The following MECOM variants were observed in gnomAD, a reference collection of about 807,000 sequenced individuals.
MECOM encodes the protein MDS1 and EVI1 complex locus.
Under a neutral mutation model 116.3 loss-of-function variants are expected in MECOM, and 13 were observed. The observed-to-expected ratio is 0.11, with a 90% CI of 0.07 to 0.18. The LOEUF (loss-of-function observed/expected upper bound fraction) is 0.18. Among genes scored for constraint, MECOM ranks in the 10% least tolerant of loss-of-function variants. The pLI is 1.00. For synonymous variants in MECOM, 528 were observed against 535.2 expected (o/e 0.99, Z 0.19); for missense variants, 1,299 against 1,509.0 (o/e 0.86, Z 2.31).
intron 16 of MECOM, among the ~76,000 whole-genome samples, chr3:169,086,974 C>T (rs897969991): frequency 1.3e-5 from 2 of 152,160 alleles, no homozygotes; most frequent in East Asian, 1.9e-4. Flanking sequence ...AATAAATGAA[C>T]GAATGAATGA....
chr3:169,159,788 C>T (rs1287080062), intron 2 of MECOM, among the ~76,000 whole-genome samples: 1 of 152,158 alleles, frequency 6.6e-6, no homozygotes, highest in African/African-American at 2.4e-5. Flanking sequence ...GGATTCAAAT[C>T]ACAGCTTCGC....
In MECOM at chr3:169,090,161, T is replaced by A. The variant is rs1458763977; in HGVS notation, c.3240A>T (p.Glu1080Asp). The change falls in exon 15 of 17, where the codon GAA becomes GAT. Residue 1080 changes from glutamate to aspartate, a missense_variant. Glu to Asp is a conservative substitution (Grantham distance 45). This residue lies in a region of MECOM where 273 missense variants were observed against 289.3 expected (regional missense o/e 0.94). Coordinates refer to ENST00000651503, the MANE Select transcript of MECOM (RefSeq NM_004991.4). ...SQNSDLLDDE[E>D]VEDEVLLDEE... ...CATCTAACAACACCTCATCTTCAAC[T>A]TCTTCATCATCCAGCAAGTCTGAAT... 1.9e-6 allele frequency: 3 copies of A among 1,613,406 alleles called. No individual in the cohort carries two copies. In the Admixed American group the frequency reaches 5.0e-5, roughly 27 times the overall value.
intron 2 of MECOM, among the ~76,000 whole-genome samples, chr3:169,295,055 G>A (rs1006631): frequency 4.0e-5 from 6 of 151,784 alleles, no homozygotes; most frequent in Non-Finnish European, 7.4e-5. Context: ...TTAATGTTAC[G>A]TAAAATATGT....
In MECOM at chr3:169,116,683, T is replaced by C; in HGVS notation, c.1189A>G (p.Met397Val). 6.2e-7 allele frequency: 1 copy of C among 1,614,150 alleles called. No individual in the cohort carries two copies. The highest frequency in any genetic ancestry group is 8.5e-7 in the Non-Finnish European group (1 of 1,179,998). Residue 397 changes from methionine (M) to valine (V), a missense_variant, in exon 8 of 17, where the codon ATG becomes GTG. By Grantham distance (21) the Met-to-Val change is conservative. This residue lies in a region of MECOM where 42 missense variants were observed against 103.9 expected (regional missense o/e 0.40). Coordinates refer to ENST00000651503, the MANE Select transcript of MECOM (RefSeq NM_004991.4). The part of the protein sequence containing the change: ...QFSNLCRHKR[M>V]HADCRTQIKC... ...ATTTGGGTTCTGCAATCAGCATGCATGCGCTTATGACGGCAAAGGTTTGAA... is the reference window on the plus strand; with the variant it reads ...ATTTGGGTTCTGCAATCAGCATGCACGCGCTTATGACGGCAAAGGTTTGAA...
intron 3 of MECOM, among the ~76,000 whole-genome samples, chr3:169,140,285 T>C (rs1409395172): frequency 6.6e-6 from 1 of 152,064 alleles, no homozygotes; most frequent in Non-Finnish European, 1.5e-5. Context: ...GCCACAGCCA[T>C]AGACCTATGT....
chr3:169,108,189 A>G (rs2149006386), intron 9 of MECOM, among the ~76,000 whole-genome samples: 1 of 152,280 alleles, frequency 6.6e-6, no homozygotes, highest in Non-Finnish European at 1.5e-5. Context: ...AAGAAAGCTA[A>G]ATGCTACCTA....
intron 1 of MECOM, among the ~76,000 whole-genome samples, chr3:169,474,502 AT>A (rs1750043690): frequency 6.6e-6 from 1 of 152,144 alleles, no homozygotes; most frequent in Non-Finnish European, 1.5e-5. Flanking sequence ...CAACAGCTTA[AT>A]TTTTATCAAT....
chr3:169,317,841 G>C (rs1720040894), intron 2 of MECOM, among the ~76,000 whole-genome samples: 2 of 152,164 alleles, frequency 1.3e-5, no homozygotes, highest in Admixed American at 1.3e-4. Flanking sequence ...AAAGAACAAA[G>C]CTGGAGGCAT....
Position 169,255,808 on chromosome 3 carries a change from A to G in MECOM, c.376-111976T>C, listed in dbSNP as rs544126029. On this transcript the variant is annotated intron_variant, in intron 2 of 16. Transcript: ENST00000651503. ...TCAACTGCCAAGACGATGTTCCACA[A>G]TTTCCACATCTGCTTTAGCAACTCT... Among the ~76,000 whole-genome samples the G allele has an allele frequency of 9.2e-5, 14 of 152,278 alleles. No individual in the cohort carries two copies. The East Asian group carries it at 2.1e-3, about 23-fold the overall frequency.
intron 3 of MECOM, among the ~76,000 whole-genome samples, chr3:169,135,195 G>A (rs1009219173): frequency 5.3e-5 from 8 of 151,956 alleles, no homozygotes; most frequent in African/African-American, 1.9e-4. Flanking sequence ...AAAAATGGAA[G>A]GGAGTCAATT....
intron 2 of MECOM, among the ~76,000 whole-genome samples, chr3:169,221,568 A>T (rs1290530974): frequency 1.1e-5 from 1 of 92,718 alleles, no homozygotes; most frequent in Non-Finnish European, 2.2e-5. Context: ...AAGAGATGTT[A>T]AAAAAAAAAA....
At chr3:169,456,483 AAAC>A (rs1463881202) in intron 1 of MECOM, among the ~76,000 whole-genome samples, 2 of 152,222 alleles carry the variant, frequency 1.3e-5, no homozygotes, top group Non-Finnish European at 2.9e-5. Context: ...ATGCATTTGT[AAAC>A]AACAATAATA....
In MECOM at chr3:169,535,031, C is replaced by A. The variant is rs369244419; in HGVS notation, c.37+128305G>T. ...GGAACAGGGACTTGGTGCTGGTGAA[C>A]GCAGAAACAACTCTCCAGGAGCTGG... On this transcript the variant is annotated intron_variant, in intron 1 of 16. Transcript: ENST00000651503. Among the ~76,000 whole-genome samples the A allele has an allele frequency of 2.6e-5, 4 of 152,178 alleles. No individual in the cohort carries two copies. In the East Asian group the frequency reaches 5.8e-4, roughly 22 times the overall value.
At chr3:169,219,242 C>T (rs1336219813) in intron 2 of MECOM, among the ~76,000 whole-genome samples, 1 of 152,072 alleles carries the variant, frequency 6.6e-6, no homozygotes, top group African/African-American at 2.4e-5. Context: ...CGCGGTGGCT[C>T]ACGCCTGTAA....
intron 2 of MECOM, among the ~76,000 whole-genome samples, chr3:169,326,270 T>C (rs1336623803): frequency 6.6e-6 from 1 of 152,166 alleles, no homozygotes; most frequent in Non-Finnish European, 1.5e-5. Context: ...GGATGCACTC[T>C]GGATATTCTA....
At chr3:169,466,201 C>A (rs1169202462) in intron 1 of MECOM, among the ~76,000 whole-genome samples, 2 of 152,190 alleles carry the variant, frequency 1.3e-5, no homozygotes, top group Non-Finnish European at 2.9e-5. Flanking sequence ...AACCCAAACA[C>A]TGGATATGCA....
chr3:169,162,751 G>T (rs1046847796), intron 2 of MECOM, among the ~76,000 whole-genome samples: 3 of 152,076 alleles, frequency 2.0e-5, no homozygotes, highest in African/African-American at 4.8e-5. Flanking sequence ...TTAATTTTCC[G>T]ATGGATTCCA....
At chr3:169,455,888 G>A (rs13067106) in intron 1 of MECOM, among the ~76,000 whole-genome samples, 1 of 152,214 alleles carries the variant, frequency 6.6e-6, no homozygotes. Flanking sequence ...TGCTGTTTGT[G>A]AATGTAGTTC....
chr3:169,468,825 C>G (rs564108058), intron 1 of MECOM, among the ~76,000 whole-genome samples: 1 of 152,282 alleles, frequency 6.6e-6, no homozygotes, highest in African/African-American at 2.4e-5. Flanking sequence ...TTACTTCATG[C>G]AAAAGCAGCC....
Sources: allele counts gnomAD v4.1 joint callset (sites outside exome capture counted in the v4.1 genomes callset), GRCh38; gene constraint gnomAD v4.1.1; regional missense constraint gnomAD v4.1.1; transcripts MANE v1.5; gene names NCBI Gene and HGNC (gene_info 2026-07-23, HGNC 2026-07-21).